The following USP46 variants were observed in gnomAD, a reference collection of about 807,000 sequenced individuals.
The protein encoded by USP46 is ubiquitin specific peptidase 46, also known as ubiquitin carboxyl-terminal hydrolase 46.
A neutral mutation model predicts 44.4 loss-of-function variants in USP46; 12 were observed. The ratio of observed to expected loss-of-function variants is 0.27; its 90% CI spans 0.17 to 0.44. USP46 has a LOEUF of 0.44. Ranked by LOEUF, USP46 falls within the 20% of genes least tolerant of loss-of-function variation. The pLI, the probability that USP46 is intolerant of heterozygous loss-of-function variation, is 1.00. For synonymous variants in USP46, 155 were observed against 161.5 expected (o/e 0.96, Z 0.31); for missense variants, 248 against 444.8 (o/e 0.56, Z 3.98).
rs541986807 is a variant in USP46 at position 52,591,190 on chromosome 4, T to A, written c.*6450A>T. 1 of 152,344 alleles carries A rather than the reference T, an allele frequency of 6.6e-6. No individual in the cohort carries two copies. The highest frequency in any genetic ancestry group is 2.1e-4 in the South Asian group (1 of 4,826). The allele number at this position is 152,344 out of a possible 1,614,324, so 9.4% of individuals were successfully genotyped here. On this transcript the variant is annotated 3_prime_UTR_variant, in exon 9 of 9. Coordinates refer to ENST00000441222, the MANE Select transcript of USP46 (RefSeq NM_022832.4). ...TTTCTCACGTTTATTTTCCATTTTC[T>A]TAGCACAGAATGTTCTTTCCAGCAA...
rs1716657407 is a variant in USP46, at chr4:52,605,602, A to C, written c.639-1018T>G. ...ATTCTTTCATTCATTAAGTCCCCAA[A>C]TGTTTCCTGCCAGTCCTCTGGGCTA... On this transcript the variant is annotated intron_variant, in intron 5 of 8. Transcript: ENST00000441222. Among the ~76,000 whole-genome samples the C allele has an allele frequency of 3.3e-5, 5 of 152,194 alleles. No individual in the cohort carries two copies. In the South Asian group the frequency reaches 1.0e-3, roughly 32 times the overall value.
chr4:52,606,077 C>T (rs986017005), intron 5 of USP46, among the ~76,000 whole-genome samples: 1 of 152,224 alleles, frequency 6.6e-6, no homozygotes, highest in Non-Finnish European at 1.5e-5. Context: ...TGCCTCCCCT[C>T]TATGTGGGCA....
rs376349176 is a variant in USP46 at position 52,648,658 on chromosome 4, T to C, written c.36+10457A>G. On this transcript the variant is annotated intron_variant, in intron 1 of 8. Transcript: ENST00000441222. Reference sequence around the variant, plus strand: ...TTATCCACCCCTACACTGCCAACCATACAATATGCATTCGTTCTGAATGTT... The same window carrying C: ...TTATCCACCCCTACACTGCCAACCACACAATATGCATTCGTTCTGAATGTT... Among the ~76,000 whole-genome samples the C allele has an allele frequency of 3.6e-4, 55 of 152,314 alleles. No individual in the cohort carries two copies. The South Asian group carries it at 0.011, about 30-fold the overall frequency.
chr4:52,652,802 T>C (rs1718813529), intron 1 of USP46, among the ~76,000 whole-genome samples: 1 of 151,982 alleles, frequency 6.6e-6, no homozygotes, highest in Non-Finnish European at 1.5e-5. Flanking sequence ...GACTCATAGG[T>C]GGTTTTAAAT....
Position 52,659,226 on chromosome 4 carries a change from G to A in USP46, c.-76C>T. ...CGGGACTGCCCATGGTGGCGCGCTG[G>A]CGGGGAGGCCGGGCGGCAGCGCGGC... On this transcript the variant is annotated 5_prime_UTR_variant, in exon 1 of 9. Coordinates refer to ENST00000441222, the MANE Select transcript of USP46 (RefSeq NM_022832.4). The surrounding 1 kb of genome is among the most constrained non-coding windows in gnomAD (Gnocchi z 4.2). 6.9e-7 allele frequency: 1 copy of A among 1,449,156 alleles called. No homozygotes were observed. Among genetic ancestry groups the A allele is most frequent in the South Asian group, 1.4e-5 (1 of 71,746 alleles). 89.8% of individuals were successfully genotyped at this position (1,449,156 alleles called of 1,614,324 possible).
chr4:52,630,994 T>C (rs1717802139), intron 2 of USP46, 70 bp downstream of exon 2: 2 of 1,291,298 alleles, frequency 1.5e-6, no homozygotes, highest in Non-Finnish European at 1.1e-6. Flanking sequence ...GTGATAAAAA[T>C]GCACTTAAAG....
At chr4:52,607,819 A>G (rs1716752251) in intron 5 of USP46, among the ~76,000 whole-genome samples, 1 of 152,194 alleles carries the variant, frequency 6.6e-6, no homozygotes, top group Non-Finnish European at 1.5e-5. Context: ...ATCTTCTGCC[A>G]TAATTGTAAG....
chr4:52,601,832 T>C, intron 7 of USP46, 25 bp downstream of exon 7: 3 of 1,607,596 alleles, frequency 1.9e-6, no homozygotes, highest in Non-Finnish European at 2.5e-6. Context: ...TTACCCTGTA[T>C]ACCTGCTTCC....
At chr4:52,607,761 C>T (rs183665320) in intron 5 of USP46, among the ~76,000 whole-genome samples, 153 of 152,240 alleles carry the variant, frequency 1.0e-3, no homozygotes, top group African/African-American at 3.2e-3. Flanking sequence ...GCCCCTCCTC[C>T]AACCCCTGGC....
chr4:52,612,233 T>C (rs186628030), intron 4 of USP46, among the ~76,000 whole-genome samples: 4 of 152,360 alleles, frequency 2.6e-5, no homozygotes, highest in South Asian at 2.1e-4. Context: ...CAACTACATA[T>C]AAGTTAATCC....
Position 52,628,279 on chromosome 4 carries a change from T to A in USP46, c.118-116A>T. 3 of 945,536 alleles carry A rather than the reference T, an allele frequency of 3.2e-6. No homozygotes were observed. In the East Asian group the frequency reaches 7.9e-5, roughly 25 times the overall value. The allele number at this position is 945,536 out of a possible 1,614,324, so 58.6% of individuals were successfully genotyped here. A position where few individuals can be genotyped will look rare whatever the true frequency, so the allele number is the denominator to read the frequency against. Reference sequence around the variant, plus strand: ...GTGAACTGGCCTGGATGTCCCTGTATTGGAGTCCAGCTCACCATATTAGAA... The same window carrying A: ...GTGAACTGGCCTGGATGTCCCTGTAATGGAGTCCAGCTCACCATATTAGAA... On this transcript the variant is annotated intron_variant, in intron 2 of 8. Coordinates refer to ENST00000441222, the MANE Select transcript of USP46 (RefSeq NM_022832.4).
At chr4:52,610,748 C>T (rs932356207) in intron 4 of USP46, 131 bp from the exon 5 acceptor site, 9 of 739,514 alleles carry the variant, frequency 1.2e-5, no homozygotes, top group Non-Finnish European at 1.8e-5. Context: ...GACATGTATA[C>T]TCATTGGCAC....
chr4:52,609,635 G>C (rs1009848232), intron 5 of USP46, among the ~76,000 whole-genome samples: 7 of 152,104 alleles, frequency 4.6e-5, no homozygotes, highest in African/African-American at 1.7e-4. Flanking sequence ...GTTAGGGCAG[G>C]TATAGCCGAG....
In USP46 at chr4:52,652,707, A is replaced by T. The variant is rs147867498; in HGVS notation, c.36+6408T>A. 1.8e-3 allele frequency among the ~76,000 whole-genome samples: 279 copies of T among 152,344 alleles called. 1 individual carries two copies. The highest frequency in any genetic ancestry group is 6.5e-3 in the African/African-American group (269 of 41,586). On this transcript the variant is annotated intron_variant, in intron 1 of 8. Transcript: ENST00000441222. ...ATATCTAGTTTATGAATGCATACAA[A>T]TCTAGTAAAAATATAAAAATATACA...
intron 3 of USP46, 108 bp from the exon 4 acceptor site, chr4:52,626,355 G>C (rs73248669): frequency 2.2e-6 from 2 of 913,778 alleles, no homozygotes; most frequent in South Asian, 3.6e-5. Flanking sequence ...ATGGAGTCTC[G>C]CTGTGTCGCC....
chr4:52,630,034 C>T lies in USP46; in HGVS notation c.117+1030G>A, dbSNP rs117497204. On this transcript the variant is annotated intron_variant, in intron 2 of 8. Transcript: ENST00000441222. ...ACCACACCTGGGCATTGACAGACTA[C>T]GTTCAGCATAATTATTCAGAAAACC... is the stretch of plus-strand genomic sequence containing the variant. Among the ~76,000 whole-genome samples, 45 of 152,332 alleles carry T rather than the reference C, an allele frequency of 3.0e-4. 1 individual carries two copies. The East Asian group carries it at 6.7e-3, about 23-fold the overall frequency.
chr4:52,605,438 A>C (rs1008682219), intron 5 of USP46, among the ~76,000 whole-genome samples: 17 of 152,224 alleles, frequency 1.1e-4, no homozygotes, highest in African/African-American at 3.6e-4. Flanking sequence ...AATACCCTAT[A>C]GTTTTGAAAA....
At chr4:52,644,513 T>C (rs1373547456) in intron 1 of USP46, among the ~76,000 whole-genome samples, 1 of 152,000 alleles carries the variant, frequency 6.6e-6, no homozygotes, top group Admixed American at 6.6e-5. Context: ...AGATCAGCAA[T>C]AGCATTAGAT....
intron 4 of USP46, among the ~76,000 whole-genome samples, chr4:52,614,240 T>C (rs1717040500): frequency 6.6e-6 from 1 of 152,024 alleles, no homozygotes; most frequent in African/African-American, 2.4e-5. Flanking sequence ...AAAGGGAGAA[T>C]AGGGCAGTAG....
Sources: allele counts gnomAD v4.1 joint callset (sites outside exome capture counted in the v4.1 genomes callset), GRCh38; gene constraint gnomAD v4.1.1; non-coding constraint Gnocchi (gnomAD v3.1); transcripts MANE v1.5; gene names NCBI Gene and HGNC (gene_info 2026-07-23, HGNC 2026-07-21).